Variants in PCDH11Y observed in about 807,000 individuals in gnomAD.
The protein encoded by PCDH11Y is protocadherin 11 Y-linked.
For missense variants in PCDH11Y, 12 were observed against 224.8 expected, an observed-to-expected ratio of 0.05 and a Z score of 6.05; for synonymous variants, 9 against 83.6, an observed-to-expected ratio of 0.11 and a Z score of 4.87.
intron 3 of PCDH11Y, among the ~76,000 whole-genome samples, chrY:5,523,555 TCTC>T (rs2053383421): frequency 3.2e-5 from 1 of 31,202 alleles, no homozygotes; most frequent in Non-Finnish European, 7.7e-5. Flanking sequence ...AATTTTCTCT[TCTC>T]CTCCTATTGC....
chrY:5,663,626 C>T, intron 4 of PCDH11Y, among the ~76,000 whole-genome samples: 1 of 33,297 alleles, frequency 3.0e-5, no homozygotes, highest in Non-Finnish European at 7.4e-5. Flanking sequence ...TGTAGCAGAA[C>T]ATTTTGCCCT....
At chrY:5,514,887 C>T (rs2053370304) in intron 3 of PCDH11Y, among the ~76,000 whole-genome samples, 2 of 33,197 alleles carry the variant, frequency 6.0e-5, no homozygotes, top group African/African-American at 2.4e-4. Flanking sequence ...AAAAAAATTC[C>T]ACAGGAAGCA....
At chrY:5,123,312 A>G (rs1602871737) in intron 2 of PCDH11Y, among the ~76,000 whole-genome samples, 9 of 33,584 alleles carry the variant, frequency 2.7e-4, no homozygotes, top group South Asian at 1.3e-3. Context: ...GGCACTTGAT[A>G]AGCATTATGC....
intron 1 of PCDH11Y, among the ~76,000 whole-genome samples, chrY:5,075,320 T>A: frequency 3.0e-5 from 1 of 33,350 alleles, no homozygotes; most frequent in African/African-American, 1.2e-4. Flanking sequence ...TATATATTCA[T>A]GGGGTACATG....
intron 3 of PCDH11Y, among the ~76,000 whole-genome samples, chrY:5,578,729 A>T: frequency 3.0e-5 from 1 of 33,581 alleles, no homozygotes; most frequent in African/African-American, 1.2e-4. Flanking sequence ...TATAATAAAC[A>T]TTGTAATTCA....
intron 2 of PCDH11Y, among the ~76,000 whole-genome samples, chrY:5,148,356 A>G: frequency 3.0e-5 from 1 of 32,878 alleles, no homozygotes; most frequent in East Asian, 8.2e-4. Context: ...GAAACATCTG[A>G]ATGGCTGCTG....
chrY:5,042,819 C>G (rs1323410998), intron 3 of PCDH11Y, among the ~76,000 whole-genome samples: 1 of 17,016 alleles, frequency 5.9e-5, no homozygotes, highest in Non-Finnish European at 1.3e-4. Flanking sequence ...TTGAAGAGGT[C>G]CTTCACATCC....
At chrY:5,161,050 G>A in intron 2 of PCDH11Y, among the ~76,000 whole-genome samples, 1 of 32,439 alleles carries the variant, frequency 3.1e-5, no homozygotes, top group Non-Finnish European at 7.6e-5. Flanking sequence ...AAATTCATGT[G>A]AATCTAAAAA....
At chrY:5,595,091 G>C in intron 4 of PCDH11Y, among the ~76,000 whole-genome samples, 1 of 22,514 alleles carries the variant, frequency 4.4e-5, no homozygotes, top group African/African-American at 1.8e-4. Context: ...TAGAGTTACT[G>C]GGGGCCAGGA....
At chrY:5,422,210 CAG>C (rs2053259040) in intron 2 of PCDH11Y, among the ~76,000 whole-genome samples, 1 of 29,581 alleles carries the variant, frequency 3.4e-5, no homozygotes, top group African/African-American at 1.3e-4. Flanking sequence ...TATCCTCAAA[CAG>C]ATTAAAATAC....
At chrY:5,473,682 T>A in intron 2 of PCDH11Y, among the ~76,000 whole-genome samples, 1 of 31,118 alleles carries the variant, frequency 3.2e-5, no homozygotes, top group African/African-American at 1.3e-4. Flanking sequence ...ACATAGAATT[T>A]CTGGATCATA....
intron 2 of PCDH11Y, among the ~76,000 whole-genome samples, chrY:5,235,723 A>G (rs1344640892): frequency 5.2e-3 from 175 of 33,740 alleles, no homozygotes; most frequent in Middle Eastern, 0.028. Context: ...GCTGTAATGA[A>G]CATACACATG....
chrY:5,435,573 C>T, intron 2 of PCDH11Y, among the ~76,000 whole-genome samples: 1 of 32,121 alleles, frequency 3.1e-5, no homozygotes, highest in Admixed American at 2.8e-4. Flanking sequence ...GCCTCGGCCT[C>T]CCAAAGTGCT....
At chrY:5,731,486 T>A in intron 4 of PCDH11Y, among the ~76,000 whole-genome samples, 1 of 33,190 alleles carries the variant, frequency 3.0e-5, no homozygotes, top group Admixed American at 2.7e-4. Flanking sequence ...TTGTCTATTG[T>A]GACTGTGCTT....
chrY:5,277,560 A>G (rs2053045619), intron 2 of PCDH11Y, among the ~76,000 whole-genome samples: 2 of 33,590 alleles, frequency 6.0e-5, no homozygotes, highest in African/African-American at 1.1e-4. Flanking sequence ...TTTCCTCAGT[A>G]CGAAAAAAGA....
At chrY:5,477,967 C>T in intron 2 of PCDH11Y, among the ~76,000 whole-genome samples, 1 of 32,778 alleles carries the variant, frequency 3.1e-5, no homozygotes, top group Non-Finnish European at 7.5e-5. Flanking sequence ...TTCATAAAAC[C>T]GGTTCCTGGA....
chrY:5,192,043 G>A, intron 2 of PCDH11Y, among the ~76,000 whole-genome samples: 1 of 32,619 alleles, frequency 3.1e-5, no homozygotes, highest in Non-Finnish European at 7.5e-5. Flanking sequence ...GATCAGCAGC[G>A]TCATTAAATT....
chrY:5,501,005 G>A, intron 2 of PCDH11Y, 52 bp from the exon 4 acceptor site: 1 of 397,272 alleles, frequency 2.5e-6, no homozygotes, highest in African/African-American at 6.3e-5. Flanking sequence ...GCAGCATTAA[G>A]CAATGATTCA....
At chrY:5,582,055 A>G (rs1602946201) in intron 4 of PCDH11Y, among the ~76,000 whole-genome samples, 1 of 30,919 alleles carries the variant, frequency 3.2e-5, no homozygotes, top group Non-Finnish European at 7.9e-5. Context: ...ATGTGACTCT[A>G]TAGTTATTTA....
Sources: allele counts gnomAD v4.1 joint callset (sites outside exome capture counted in the v4.1 genomes callset), GRCh38; gene constraint gnomAD v4.1.1; transcripts MANE v1.5; gene names NCBI Gene and HGNC (gene_info 2026-07-23, HGNC 2026-07-21).